SLC2A13: variants seen among roughly 807,000 people sequenced by gnomAD.
SLC2A13 encodes proton myo-inositol cotransporter.
In SLC2A13, 32 loss-of-function variants were observed where a neutral mutation model predicts 64.4. The observed-to-expected ratio is 0.50, with a 90% confidence interval of 0.37 to 0.67. SLC2A13 has a LOEUF of 0.67. SLC2A13 is among the 30% of genes least tolerant of loss of function. The probability of loss-of-function intolerance (pLI) is 0.00; values close to 1 mark genes in which losing one functional copy is unlikely to be tolerated. For synonymous variants in SLC2A13, 338 were observed against 327.1 expected (o/e 1.03, Z -0.36); for missense variants, 743 against 829.2 (o/e 0.90, Z 1.28).
chr12:39,907,497 C>G (rs904985711), intron 4 of SLC2A13: 4 of 152,162 alleles, frequency 2.6e-5, no homozygotes, highest in African/African-American at 9.7e-5. Context: ...CTACAAAACT[C>G]TATCAAAACC....
At chr12:39,894,109 C>A (rs1944680735) in intron 4 of SLC2A13, among the ~76,000 whole-genome samples, 1 of 152,146 alleles carries the variant, frequency 6.6e-6, no homozygotes, top group African/African-American at 2.4e-5. Context: ...TAAACATGGC[C>A]ATACCAGCAT....
intron 6 of SLC2A13, among the ~76,000 whole-genome samples, chr12:39,841,728 T>C (rs1216870957): frequency 6.6e-6 from 1 of 152,020 alleles, no homozygotes; most frequent in African/African-American, 2.4e-5. Flanking sequence ...TGCAACATGC[T>C]TTTTTCAGAG....
chr12:39,861,789 A>C (rs1943765815), intron 6 of SLC2A13, among the ~76,000 whole-genome samples: 1 of 152,228 alleles, frequency 6.6e-6, no homozygotes, highest in Non-Finnish European at 1.5e-5. Flanking sequence ...CAGGTGGCCA[A>C]ACATTTTCTA....
intron 5 of SLC2A13, among the ~76,000 whole-genome samples, chr12:39,866,700 C>T (rs1258005888): frequency 6.6e-6 from 1 of 152,122 alleles, no homozygotes; most frequent in South Asian, 2.1e-4. Context: ...AGGATGGTCT[C>T]GATCTCCTGA....
At chr12:39,963,996 T>C (rs1946461211) in intron 3 of SLC2A13, among the ~76,000 whole-genome samples, 1 of 152,170 alleles carries the variant, frequency 6.6e-6, no homozygotes, top group African/African-American at 2.4e-5. Flanking sequence ...AAATTGAAAT[T>C]GTCCCCCAGA....
intron 1 of SLC2A13, among the ~76,000 whole-genome samples, chr12:40,075,812 A>G (rs1938149590): frequency 6.6e-6 from 1 of 151,718 alleles, no homozygotes; most frequent in Non-Finnish European, 1.5e-5. Context: ...ATTTTAGGTA[A>G]TTTCTATTGT....
chr12:39,999,495 A>G (rs529310672), intron 3 of SLC2A13, among the ~76,000 whole-genome samples: 1 of 151,856 alleles, frequency 6.6e-6, no homozygotes, highest in African/African-American at 2.4e-5. Flanking sequence ...TGAGATAAGG[A>G]CTGAAATATG....
chr12:40,067,905 T>C lies in SLC2A13; in HGVS notation c.557-19695A>G, dbSNP rs538790916. Among the ~76,000 whole-genome samples, 141 of 152,258 alleles carry C rather than the reference T, an allele frequency of 9.3e-4. 2 individuals carry two copies. The highest frequency in any genetic ancestry group is 1.5e-3 in the Non-Finnish European group (104 of 68,006). ...GATTGCTTCCGGTGAAAATTGCTTA[T>C]TCTTTTTTTCTTGTTGAAGAAAGGG... On this transcript the variant is annotated intron_variant, in intron 1 of 9. Coordinates refer to ENST00000280871, the MANE Select transcript of SLC2A13 (RefSeq NM_052885.4).
chr12:39,803,298 T>G (rs537366404), intron 7 of SLC2A13, among the ~76,000 whole-genome samples: 1 of 151,412 alleles, frequency 6.6e-6, no homozygotes, highest in Non-Finnish European at 1.5e-5. Flanking sequence ...AATAGACTTA[T>G]ATGACAATTA....
intron 3 of SLC2A13, among the ~76,000 whole-genome samples, chr12:39,970,801 T>C (rs545937779): frequency 6.6e-6 from 1 of 152,230 alleles, no homozygotes; most frequent in Non-Finnish European, 1.5e-5. Context: ...TGGCTATCAA[T>C]ACTTTTCACC....
At chr12:39,793,156 C>T (rs1592142835) in intron 7 of SLC2A13, among the ~76,000 whole-genome samples, 1 of 152,040 alleles carries the variant, frequency 6.6e-6, no homozygotes, top group East Asian at 1.9e-4. Flanking sequence ...TTGCATTTTA[C>T]AAGATTGGCA....
intron 3 of SLC2A13, among the ~76,000 whole-genome samples, chr12:40,005,746 T>C (rs970283307): frequency 1.3e-5 from 2 of 152,188 alleles, no homozygotes; most frequent in African/African-American, 4.8e-5. Flanking sequence ...TAAGTGGCAG[T>C]GTGCCACCAA....
In SLC2A13 at chr12:39,784,211, T is replaced by C. The variant is rs535985324; in HGVS notation, c.1446-19353A>G. Among the ~76,000 whole-genome samples the C allele has an allele frequency of 1.3e-3, 199 of 152,236 alleles. 2 individuals are homozygous for C. The highest frequency in any genetic ancestry group is 4.7e-3 in the African/African-American group (194 of 41,538). On this transcript the variant is annotated intron_variant, in intron 7 of 9. Transcript: ENST00000280871. ...GCTACCAATGACTTTCTTCACAGAA[T>C]TGGAAAAAACTACTTTAAAGTTCAT...
chr12:39,871,216 C>T (rs1181914247), intron 5 of SLC2A13, among the ~76,000 whole-genome samples: 4 of 151,972 alleles, frequency 2.6e-5, no homozygotes, highest in Admixed American at 1.3e-4. Context: ...ACAAAAGATA[C>T]TTGGGAATTA....
At chr12:39,979,275 T>C (rs1946838753) in intron 3 of SLC2A13, among the ~76,000 whole-genome samples, 1 of 139,698 alleles carries the variant, frequency 7.2e-6, no homozygotes, top group African/African-American at 2.7e-5. Flanking sequence ...CCTCTCCTCC[T>C]CCAAAGGAAC....
At chr12:39,977,157 CT>C (rs1031405713) in intron 3 of SLC2A13, among the ~76,000 whole-genome samples, 20 of 152,244 alleles carry the variant, frequency 1.3e-4, no homozygotes, top group African/African-American at 4.6e-4. Context: ...GATTCAAGCT[CT>C]ATATAGATTA....
At position 39,975,174 on chromosome 12, in the gene SLC2A13, C is replaced by A. The variant is rs191474939; in HGVS notation, c.926-23809G>T. 3.0e-4 allele frequency among the ~76,000 whole-genome samples: 45 copies of A among 152,230 alleles called. No individual in the cohort carries two copies. In the East Asian group the frequency reaches 4.6e-3, roughly 16 times the overall value. On this transcript the variant is annotated intron_variant, in intron 3 of 9. Transcript: ENST00000280871. ...ACATGCAACAGATAGATATGAAGGA[C>A]AAATTTCACTCAGACAAAATGTATA...
intron 4 of SLC2A13, among the ~76,000 whole-genome samples, chr12:39,887,494 G>T (rs1052143049): frequency 1.3e-5 from 2 of 152,084 alleles, no homozygotes; most frequent in African/African-American, 4.8e-5. Flanking sequence ...TCACAACAGG[G>T]ATAGAAAAAA....
At chr12:39,843,367 T>C (rs2135878838) in intron 6 of SLC2A13, among the ~76,000 whole-genome samples, 1 of 152,176 alleles carries the variant, frequency 6.6e-6, no homozygotes, top group South Asian at 2.1e-4. Flanking sequence ...CAAGCCTATC[T>C]GTCATTAATA....
Sources: gnomAD v4.1 joint callset for allele counts (sites outside exome capture counted in the v4.1 genomes callset) on GRCh38, gnomAD v4.1.1 for gene constraint, MANE v1.5 for transcripts, NCBI Gene and HGNC (gene_info 2026-07-23, HGNC 2026-07-21) for gene names.